Variants in CFAP299 observed in about 807,000 individuals in gnomAD.
CFAP299 encodes cilia- and flagella-associated protein 299.
In CFAP299, 21 loss-of-function variants were observed where a neutral mutation model predicts 27.0. The observed-to-expected ratio is 0.78, with a 90% confidence interval of 0.55 to 1.12. CFAP299 has a LOEUF of 1.12. Among genes scored for constraint, CFAP299 ranks in the 50% most tolerant of loss-of-function variants. The probability of loss-of-function intolerance (pLI) is 0.00; values close to 1 mark genes in which losing one functional copy is unlikely to be tolerated. For missense variants in CFAP299, 310 were observed against 276.6 expected (o/e 1.12, Z -0.86); for synonymous variants, 104 against 98.1 (o/e 1.06, Z -0.36).
chr4:80,670,832 A>T (rs540971578), intron 3 of CFAP299, among the ~76,000 whole-genome samples: 21 of 152,008 alleles, frequency 1.4e-4, no homozygotes, highest in African/African-American at 5.1e-4. Context: ...TTTTTGATGC[A>T]GTTGTTTGTT....
At chr4:80,366,572 T>C (rs1006450022) in intron 2 of CFAP299, among the ~76,000 whole-genome samples, 1 of 152,332 alleles carries the variant, frequency 6.6e-6, no homozygotes, top group Admixed American at 6.5e-5. Flanking sequence ...GACTTAGTTC[T>C]CACCCTCAAG....
chr4:80,843,077 T>C (rs61260875), intron 3 of CFAP299, among the ~76,000 whole-genome samples: 5,408 of 151,142 alleles, frequency 0.036, 200 homozygotes, highest in African/African-American at 0.1. Flanking sequence ...TTTATATATA[T>C]ATAAATATAT....
At chr4:80,772,449 G>A (rs559923494) in intron 3 of CFAP299, among the ~76,000 whole-genome samples, 3 of 152,080 alleles carry the variant, frequency 2.0e-5, no homozygotes, top group Admixed American at 1.3e-4. Context: ...TTTCATTTCC[G>A]GGAACTCACT....
At chr4:80,609,426 A>G (rs991007183) in intron 3 of CFAP299, among the ~76,000 whole-genome samples, 4 of 152,058 alleles carry the variant, frequency 2.6e-5, no homozygotes, top group Non-Finnish European at 5.9e-5. Context: ...TAGAAGAAGG[A>G]TATATTTTTT....
At chr4:80,673,905 C>A (rs1010946066) in intron 3 of CFAP299, among the ~76,000 whole-genome samples, 1 of 145,228 alleles carries the variant, frequency 6.9e-6, no homozygotes, top group Non-Finnish European at 1.5e-5. Context: ...TTCTTTTTAG[C>A]TTATGTGTGT....
At chr4:80,718,206 T>C (rs1489500641) in intron 3 of CFAP299, among the ~76,000 whole-genome samples, 1 of 152,082 alleles carries the variant, frequency 6.6e-6, no homozygotes, top group Non-Finnish European at 1.5e-5. Flanking sequence ...AACACTGTAC[T>C]TAAAAATATG....
chr4:80,880,709 G>A (rs1312003451), intron 4 of CFAP299, among the ~76,000 whole-genome samples: 2 of 151,780 alleles, frequency 1.3e-5, no homozygotes, highest in Non-Finnish European at 2.9e-5. Context: ...CTAGGTGACA[G>A]AGCGAGACTC....
At chr4:80,326,639 T>C in the CFAP299 span, among the ~76,000 whole-genome samples, 1 of 152,180 alleles carries the variant, frequency 6.6e-6, no homozygotes, top group Non-Finnish European at 1.5e-5. Flanking sequence ...TTCTGACTAC[T>C]TTCTATAGTT....
At chr4:80,341,990 G>A (rs1360283254) in intron 1 of CFAP299, among the ~76,000 whole-genome samples, 1 of 152,188 alleles carries the variant, frequency 6.6e-6, no homozygotes, top group Non-Finnish European at 1.5e-5. Flanking sequence ...TGACCTGATG[G>A]AGATGAAAAA....
At position 80,440,652 on chromosome 4, in the gene CFAP299, C is replaced by T. The variant is rs192452096; in HGVS notation, c.242+77768C>T. Among the ~76,000 whole-genome samples the T allele has an allele frequency of 3.1e-3, 478 of 152,306 alleles. 4 individuals carry two copies. The highest frequency in any genetic ancestry group is 0.011 in the African/African-American group (461 of 41,564). ...TCCAAAAACCAGAATGCCTCTTCTCCTCTAAAGAATCACAACTCCTTGCCA... is the reference window on the plus strand; with the variant it reads ...TCCAAAAACCAGAATGCCTCTTCTCTTCTAAAGAATCACAACTCCTTGCCA... On this transcript the variant is annotated intron_variant, in intron 2 of 5. Coordinates refer to ENST00000358105, the MANE Select transcript of CFAP299 (RefSeq NM_152770.3).
chr4:80,936,900 T>A (rs914660290), intron 4 of CFAP299, among the ~76,000 whole-genome samples: 3 of 152,154 alleles, frequency 2.0e-5, no homozygotes, highest in Non-Finnish European at 4.4e-5. Context: ...TTGAGATGAA[T>A]GTATATTCTG....
At chr4:80,562,827 A>G (rs1051457549) in intron 2 of CFAP299, among the ~76,000 whole-genome samples, 18 of 152,004 alleles carry the variant, frequency 1.2e-4, no homozygotes, top group African/African-American at 4.3e-4. Flanking sequence ...AAGAACCCAC[A>G]GACTGAAAAT....
chr4:80,478,293 T>C (rs1730380700), intron 2 of CFAP299, among the ~76,000 whole-genome samples: 2 of 152,190 alleles, frequency 1.3e-5, no homozygotes, highest in African/African-American at 4.8e-5. Flanking sequence ...CTGTTCATCA[T>C]GCATGTTTCT....
intron 4 of CFAP299, among the ~76,000 whole-genome samples, chr4:80,874,341 A>T (rs1032469802): frequency 2.0e-5 from 3 of 152,188 alleles, no homozygotes; most frequent in Non-Finnish European, 4.4e-5. Flanking sequence ...CTTGATACGC[A>T]AAGTATAGTC....
At chr4:80,916,297 T>TATATATATATA (rs1438774238) in intron 4 of CFAP299, among the ~76,000 whole-genome samples, 3 of 62,482 alleles carry the variant, frequency 4.8e-5, no homozygotes, top group Admixed American at 1.6e-4. Flanking sequence ...ATATATATAT[T>TATATATATATA]TCAGGTACAG....
intron 3 of CFAP299, among the ~76,000 whole-genome samples, chr4:80,853,864 A>C (rs1431842881): frequency 1.3e-5 from 2 of 152,182 alleles, no homozygotes; most frequent in Non-Finnish European, 2.9e-5. Context: ...ATATTAAAAG[A>C]AGTTGTGTGA....
At chr4:80,681,992 C>A (rs1719872193) in intron 3 of CFAP299, among the ~76,000 whole-genome samples, 1 of 152,082 alleles carries the variant, frequency 6.6e-6, no homozygotes, top group South Asian at 2.1e-4. Context: ...AATGAGGATA[C>A]AAGGTGTTAT....
At chr4:80,860,133 C>G (rs898711153) in intron 3 of CFAP299, among the ~76,000 whole-genome samples, 1 of 152,054 alleles carries the variant, frequency 6.6e-6, no homozygotes. Context: ...TTTCTCTAAA[C>G]TTCCCTTCTC....
intron 3 of CFAP299, among the ~76,000 whole-genome samples, chr4:80,825,244 A>G (rs1729921345): frequency 6.6e-6 from 1 of 151,884 alleles, no homozygotes; most frequent in South Asian, 2.1e-4. Flanking sequence ...AAAATGATTG[A>G]AAAAAGGTAA....
Sources: gnomAD v4.1 joint callset for allele counts (sites outside exome capture counted in the v4.1 genomes callset) on GRCh38, gnomAD v4.1.1 for gene constraint, MANE v1.5 for transcripts, NCBI Gene and HGNC (gene_info 2026-07-23, HGNC 2026-07-21) for gene names.